The following HAPLN1 variants were observed in gnomAD, a reference collection of about 807,000 sequenced individuals.
The protein encoded by HAPLN1 is Cartilage link protein.
In HAPLN1, 13 loss-of-function variants were observed where a neutral mutation model predicts 36.5. The ratio of observed to expected loss-of-function variants is 0.36; its 90% CI spans 0.23 to 0.57. The LOEUF (loss-of-function observed/expected upper bound fraction) is 0.57, where lower values mean the gene tolerates loss of function less well. Ranked by LOEUF, HAPLN1 falls within the 20% of genes least tolerant of loss-of-function variation. HAPLN1 has a pLI of 0.83. For missense variants in HAPLN1, 407 were observed against 439.7 expected, an observed-to-expected ratio of 0.93 and a Z score of 0.66; for synonymous variants, 202 against 169.8, an observed-to-expected ratio of 1.19 and a Z score of -1.48.
intron 1 of HAPLN1, among the ~76,000 whole-genome samples, chr5:83,698,764 A>G (rs754918145): frequency 2.0e-5 from 3 of 152,222 alleles, no homozygotes; most frequent in African/African-American, 7.2e-5. Flanking sequence ...CACAAGGTGC[A>G]GAACTGATAC....
At chr5:83,685,603 G>C (rs950906345) in intron 1 of HAPLN1, among the ~76,000 whole-genome samples, 10 of 152,234 alleles carry the variant, frequency 6.6e-5, no homozygotes, top group African/African-American at 2.4e-4. Context: ...AACTTCCTGA[G>C]GACAAGGACC....
rs182070320 is a variant in HAPLN1 at position 83,657,652 on chromosome 5, C to T, written c.101-4828G>A. ...GAAGCCCTTGGGAACCTCCCTGATA[C>T]AAATCAAAATTTCAATGTTAAAAAA... On this transcript the variant is annotated intron_variant, in intron 2 of 4. Transcript: ENST00000274341. Among the ~76,000 whole-genome samples, 415 of 152,080 alleles carry T rather than the reference C, an allele frequency of 2.7e-3. 7 individuals are homozygous for T. Among genetic ancestry groups the T allele is most frequent in the Admixed American group, 0.021 (325 of 15,284 alleles).
chr5:83,695,741 A>C (rs1490582116), intron 1 of HAPLN1, among the ~76,000 whole-genome samples: 1 of 150,788 alleles, frequency 6.6e-6, no homozygotes, highest in Non-Finnish European at 1.5e-5. Context: ...CCAACTAAAA[A>C]CTCTTAATAA....
rs756115599 is a variant in HAPLN1 at position 83,644,496 on chromosome 5, A to G, written c.642T>C (p.Ser214=). ...TGGGCTTTGTGATGGGATATTGCACAGAGCCATCACTGAGCCAGCCGGCAT... is the reference window on the plus strand; with the variant it reads ...TGGGCTTTGTGATGGGATATTGCACGGAGCCATCACTGAGCCAGCCGGCAT... The part of the protein sequence containing the change: ...WCNAGWLSDG[S]VQYPITKPRE... Residue 214 remains serine (S), a synonymous_variant, in exon 4 of 5, where the codon TCT becomes TCC. Coordinates refer to ENST00000274341, the MANE Select transcript of HAPLN1 (RefSeq NM_001884.4). The G allele has an allele frequency of 7.4e-6, 12 of 1,612,468 alleles. No individual in the cohort carries two copies. Among genetic ancestry groups the G allele is most frequent in the Non-Finnish European group, 1.0e-5 (12 of 1,179,274 alleles).
Position 83,638,467 on chromosome 5 carries a change from T to C in HAPLN1, c.*3029A>G, listed in dbSNP as rs1749583828. On this transcript the variant is annotated 3_prime_UTR_variant, in exon 5 of 5. Transcript: ENST00000274341. ...TAACAAAACGATGTCAGTTATCCGT[T>C]GATATTTCTTAATGCATCCTATGCT... 6.6e-6 allele frequency: 1 copy of C among 152,034 alleles called. No homozygotes were observed. The highest frequency in any genetic ancestry group is 1.5e-5 in the Non-Finnish European group (1 of 67,916). 9.4% of individuals were successfully genotyped at this position (152,034 alleles called of 1,614,324 possible).
At chr5:83,674,491 T>A (rs1277286847) in intron 1 of HAPLN1, 1 of 152,138 alleles carries the variant, frequency 6.6e-6, no homozygotes, top group African/African-American at 2.4e-5. Context: ...AGTTTGTCAT[T>A]GGAAGAACCA....
At chr5:83,687,986 G>A (rs923999715) in intron 1 of HAPLN1, among the ~76,000 whole-genome samples, 1 of 152,156 alleles carries the variant, frequency 6.6e-6, no homozygotes, top group African/African-American at 2.4e-5. Context: ...GTGGGATGAG[G>A]TAAATTTGCT....
chr5:83,714,034 T>A (rs1751856801), intron 1 of HAPLN1, among the ~76,000 whole-genome samples: 1 of 152,076 alleles, frequency 6.6e-6, no homozygotes, highest in Non-Finnish European at 1.5e-5. Flanking sequence ...GGGGAACGGT[T>A]TGGGTTTGGA....
Position 83,669,977 on chromosome 5 carries a change from C to T in HAPLN1, c.100+3447G>A, listed in dbSNP as rs1216596700. On this transcript the variant is annotated intron_variant, in intron 2 of 4. Coordinates refer to ENST00000274341, the MANE Select transcript of HAPLN1 (RefSeq NM_001884.4). ...TCATCAGAAGACCTCTGCTTGAACA[C>T]CAAATGCAGGAAGCACTGACTCTGA... 2.6e-5 allele frequency among the ~76,000 whole-genome samples: 4 copies of T among 152,162 alleles called. No individual in the cohort carries two copies. In the East Asian group the frequency reaches 7.7e-4, roughly 29 times the overall value.
chr5:83,644,545 C>G lies in HAPLN1; in HGVS notation c.593G>C (p.Trp198Ser), dbSNP rs776116104. Residue 198 changes from tryptophan (W) to serine (S), a missense_variant, in exon 4 of 5, where the codon TGG (tryptophan) becomes TCG (serine). Trp to Ser is a radical substitution (Grantham distance 177). Coordinates refer to ENST00000274341, the MANE Select transcript of HAPLN1 (RefSeq NM_001884.4). The part of the protein sequence containing the change: ...IASFDQLYDA[W>S]RGGLDWCNAG... ...ATTGCACCAGTCCAGCCCGCCCCGC[C>G]AGGCGTCGTACAGCTGGTCGAAGGA... is the stretch of plus-strand genomic sequence containing the variant. 4 of 1,608,752 alleles carry G rather than the reference C, an allele frequency of 2.5e-6. No homozygotes were observed. The highest frequency in any genetic ancestry group is 2.7e-5 in the African/African-American group (2 of 74,522).
At chr5:83,691,693 A>T (rs1295274266) in intron 1 of HAPLN1, among the ~76,000 whole-genome samples, 1 of 152,008 alleles carries the variant, frequency 6.6e-6, no homozygotes, top group African/African-American at 2.4e-5. Context: ...AATTTAAAAC[A>T]TACGGAATCC....
intron 1 of HAPLN1, among the ~76,000 whole-genome samples, chr5:83,705,133 T>C (rs895757877): frequency 6.6e-6 from 1 of 152,122 alleles, no homozygotes; most frequent in African/African-American, 2.4e-5. Context: ...CTCACATCTG[T>C]AATCCCAGCA....
In HAPLN1 at chr5:83,641,762, G is replaced by C; in HGVS notation, c.799C>G (p.Pro267Ala). ...GCTTCATCATAGGTCAGTTTGGTGG[G>C]GTGGATCAGATAGTAAAAACGGCCT... Reference protein sequence around the residue: ...FNGRFYYLIHPTKLTYDEAVQ... With the variant: ...FNGRFYYLIHATKLTYDEAVQ... Residue 267 changes from proline to alanine, a missense_variant, in exon 5 of 5, where the codon CCC (proline) becomes GCC (alanine). Coordinates refer to ENST00000274341, the MANE Select transcript of HAPLN1 (RefSeq NM_001884.4). The C allele has an allele frequency of 1.9e-6, 3 of 1,613,948 alleles. No individual in the cohort carries two copies. Among genetic ancestry groups the C allele is most frequent in the Non-Finnish European group, 2.5e-6 (3 of 1,179,898 alleles).
At chr5:83,656,213 A>G (rs996412429) in intron 2 of HAPLN1, among the ~76,000 whole-genome samples, 13 of 151,296 alleles carry the variant, frequency 8.6e-5, no homozygotes, top group Non-Finnish European at 1.8e-4. Flanking sequence ...CTATAGTCCC[A>G]GCTACTCGGG....
At chr5:83,720,762 G>A (rs1334058962) in intron 1 of HAPLN1, 27 bp downstream of exon 1, 1 of 152,194 alleles carries the variant, frequency 6.6e-6, no homozygotes, top group East Asian at 1.9e-4. Flanking sequence ...ATAACCAAAA[G>A]AGGGGGAAAC....
At chr5:83,706,988 A>G (rs1295962988) in intron 1 of HAPLN1, among the ~76,000 whole-genome samples, 2 of 152,156 alleles carry the variant, frequency 1.3e-5, no homozygotes, top group Non-Finnish European at 2.9e-5. Context: ...TTGCCACAGA[A>G]AGAACAAAGT....
intron 3 of HAPLN1, among the ~76,000 whole-genome samples, chr5:83,651,589 A>ATATG (rs140786931): frequency 6.6e-6 from 1 of 151,592 alleles, no homozygotes; most frequent in East Asian, 1.9e-4. Context: ...TCAAATAGTG[A>ATATG]CACAAATCTG....
intron 1 of HAPLN1, among the ~76,000 whole-genome samples, chr5:83,714,335 G>A (rs563584349): frequency 8.5e-5 from 13 of 152,194 alleles, no homozygotes; most frequent in African/African-American, 3.1e-4. Context: ...AGCACCAAAC[G>A]ATGGTAGCAT....
Position 83,652,387 on chromosome 5 carries a change from C to T in HAPLN1, c.472+66G>A, listed in dbSNP as rs188884242. ...ACTGTGTTAACCACTAGACATTACT[C>T]TTCATGAAAAAAAAAGCAACTATTA... is the stretch of plus-strand genomic sequence containing the variant. On this transcript the variant is annotated intron_variant, in intron 3 of 4. Transcript: ENST00000274341. The T allele has an allele frequency of 1.4e-4, 205 of 1,493,168 alleles. No individual in the cohort carries two copies. In the African/African-American group the frequency reaches 2.7e-3, roughly 20 times the overall value. 92.5% of individuals were successfully genotyped at this position (1,493,168 alleles called of 1,614,324 possible).
Sources: gnomAD v4.1 joint callset for allele counts (sites outside exome capture counted in the v4.1 genomes callset) on GRCh38, gnomAD v4.1.1 for gene constraint, MANE v1.5 for transcripts, NCBI Gene and HGNC (gene_info 2026-07-23, HGNC 2026-07-21) for gene names.